PPP1R9A: variants seen among roughly 807,000 people sequenced by gnomAD.
PPP1R9A encodes neurabin-1.
PPP1R9A carries 59 observed loss-of-function variants against 141.9 expected under a neutral mutation model. The observed-to-expected ratio is 0.42, with a 90% CI of 0.34 to 0.52. The LOEUF (loss-of-function observed/expected upper bound fraction) is 0.52. Among genes scored for constraint, PPP1R9A ranks in the 20% least tolerant of loss-of-function variants. The probability of loss-of-function intolerance (pLI) is 0.10; values close to 1 mark genes in which losing one functional copy is unlikely to be tolerated. For missense variants in PPP1R9A, 1,444 were observed against 1,611.9 expected (o/e 0.90, Z 1.78); for synonymous variants, 500 against 569.7 (o/e 0.88, Z 1.74).
In PPP1R9A at chr7:95,273,913, C is replaced by G. The variant is rs755352182; in HGVS notation, c.3139C>G (p.Pro1047Ala). 4.0e-6 allele frequency: 6 copies of G among 1,502,914 alleles called. No individual in the cohort carries two copies. Among genetic ancestry groups the G allele is most frequent in the South Asian group, 1.1e-5 (1 of 87,720 alleles). 93.1% of individuals were successfully genotyped at this position (1,502,914 alleles called of 1,614,324 possible). A position where few individuals can be genotyped will look rare whatever the true frequency, so the allele number is the denominator to read the frequency against. The change falls in exon 15 of 20, where the codon CCC (proline) becomes GCC (alanine). Residue 1047 changes from proline (P) to alanine (A), a missense_variant. Physicochemically the swap from Pro to Ala is conservative, Grantham distance 27 (BLOSUM62 -1). Transcript: ENST00000433360. Reference sequence around the variant, plus strand: ...GTATATCCTAGATGATGCCAAAGATCCCAAATCACTAAGGGCATCCAGTTC... The same window carrying G: ...GTATATCCTAGATGATGCCAAAGATGCCAAATCACTAAGGGCATCCAGTTC... ...ILREKDDAKDPKSLRASSSLA... is the reference protein window; with the variant it reads ...ILREKDDAKDAKSLRASSSLA...
At chr7:94,988,026 C>T (rs1584136124) in intron 2 of PPP1R9A, among the ~76,000 whole-genome samples, 1 of 152,100 alleles carries the variant, frequency 6.6e-6, no homozygotes, top group Non-Finnish European at 1.5e-5. Context: ...ATAGTTAACA[C>T]AGTAAATACT....
intron 2 of PPP1R9A, among the ~76,000 whole-genome samples, chr7:95,070,028 A>T (rs1044113343): frequency 6.6e-6 from 1 of 152,140 alleles, no homozygotes; most frequent in African/African-American, 2.4e-5. Context: ...AAGCATTTTT[A>T]AAAAATATAC....
At chr7:94,978,574 C>A (rs1254842119) in intron 2 of PPP1R9A, among the ~76,000 whole-genome samples, 1 of 151,908 alleles carries the variant, frequency 6.6e-6, no homozygotes, top group African/African-American at 2.4e-5. Flanking sequence ...CTATCTTGAT[C>A]TTTTTTTTGT....
intron 3 of PPP1R9A, among the ~76,000 whole-genome samples, chr7:95,119,582 C>G (rs979416912): frequency 3.3e-5 from 5 of 152,046 alleles, no homozygotes; most frequent in African/African-American, 9.7e-5. Flanking sequence ...AGCCCCCAAA[C>G]AGCTGGGACT....
intron 2 of PPP1R9A, among the ~76,000 whole-genome samples, chr7:95,015,253 C>T (rs1380363558): frequency 6.6e-6 from 1 of 151,758 alleles, no homozygotes; most frequent in Non-Finnish European, 1.5e-5. Context: ...CACACATACA[C>T]ACACACATAC....
chr7:94,988,437 T>C (rs1801115422), intron 2 of PPP1R9A, among the ~76,000 whole-genome samples: 1 of 152,082 alleles, frequency 6.6e-6, no homozygotes, highest in East Asian at 1.9e-4. Context: ...TTTTTTGTTT[T>C]AGTAATGTTT....
At chr7:94,996,799 G>GTTTTTTTTTTTT (rs34164253) in intron 2 of PPP1R9A, among the ~76,000 whole-genome samples, 1 of 111,646 alleles carries the variant, frequency 9.0e-6, no homozygotes, top group African/African-American at 3.5e-5. Context: ...GATACTCTGT[G>GTTTTTTTTTTTT]TTTTTTTTTT....
intron 2 of PPP1R9A, among the ~76,000 whole-genome samples, chr7:95,005,014 A>AT (rs1204930805): frequency 1.3e-5 from 2 of 152,126 alleles, no homozygotes; most frequent in African/African-American, 4.8e-5. Flanking sequence ...AATGGAGGTA[A>AT]TTTTTCATGG....
chr7:95,229,251 G>A (rs1395247970), intron 8 of PPP1R9A, among the ~76,000 whole-genome samples: 1 of 151,998 alleles, frequency 6.6e-6, no homozygotes, highest in Non-Finnish European at 1.5e-5. Context: ...TACCAGGAAA[G>A]CCAAGAGAAT....
intron 2 of PPP1R9A, among the ~76,000 whole-genome samples, chr7:94,939,959 G>A (rs1307085946): frequency 6.6e-6 from 1 of 151,854 alleles, no homozygotes; most frequent in Admixed American, 6.6e-5. Context: ...TGCTCTACAA[G>A]TAGGAGGTTT....
intron 2 of PPP1R9A, among the ~76,000 whole-genome samples, chr7:95,065,255 C>A (rs1193510259): frequency 6.6e-6 from 1 of 152,008 alleles, no homozygotes; most frequent in Non-Finnish European, 1.5e-5. Context: ...TGCATAGAGA[C>A]ATAGTCTTGC....
chr7:95,230,384 G>T (rs1268977763), intron 8 of PPP1R9A, among the ~76,000 whole-genome samples: 1 of 152,012 alleles, frequency 6.6e-6, no homozygotes. Context: ...ACCAGAGGAA[G>T]GTGAAGTCCA....
chr7:95,007,154 G>A (rs1282903871), intron 2 of PPP1R9A, among the ~76,000 whole-genome samples: 1 of 152,180 alleles, frequency 6.6e-6, no homozygotes, highest in East Asian at 1.9e-4. Flanking sequence ...GAGCCATCGT[G>A]CCCGGCCATA....
chr7:95,113,110 CAACAAG>C (rs1440158730), intron 3 of PPP1R9A, among the ~76,000 whole-genome samples: 23 of 152,212 alleles, frequency 1.5e-4, no homozygotes, highest in African/African-American at 5.5e-4. Flanking sequence ...AGCAACTTAG[CAACAAG>C]AACAAATTTC....
At chr7:95,096,435 G>C (rs904787754) in intron 2 of PPP1R9A, among the ~76,000 whole-genome samples, 4 of 151,914 alleles carry the variant, frequency 2.6e-5, no homozygotes, top group African/African-American at 9.7e-5. Context: ...CAAATGACTG[G>C]CCCCCCTCAC....
At chr7:95,184,286 C>T (rs1024805493) in intron 5 of PPP1R9A, among the ~76,000 whole-genome samples, 1 of 152,050 alleles carries the variant, frequency 6.6e-6, no homozygotes, top group Non-Finnish European at 1.5e-5. Context: ...CCATAGTTCA[C>T]GAGGGTATTC....
At chr7:95,275,680 C>T (rs1302134934) in intron 16 of PPP1R9A, among the ~76,000 whole-genome samples, 1 of 152,146 alleles carries the variant, frequency 6.6e-6, no homozygotes, top group African/African-American at 2.4e-5. Context: ...AAATAAAATA[C>T]TATAAAATCA....
intron 2 of PPP1R9A, among the ~76,000 whole-genome samples, chr7:95,109,929 G>A (rs1820253231): frequency 6.6e-6 from 1 of 151,846 alleles, no homozygotes; most frequent in East Asian, 1.9e-4. Context: ...ATAAATAAAA[G>A]CACTAACCCT....
intron 5 of PPP1R9A, among the ~76,000 whole-genome samples, chr7:95,192,981 A>C (rs1343459194): frequency 1.3e-5 from 2 of 152,134 alleles, no homozygotes; most frequent in Non-Finnish European, 2.9e-5. Flanking sequence ...AGATTTTATC[A>C]GTTTCATCAT....
Sources: allele counts gnomAD v4.1 joint callset (sites outside exome capture counted in the v4.1 genomes callset), GRCh38; gene constraint gnomAD v4.1.1; transcripts MANE v1.5; gene names NCBI Gene and HGNC (gene_info 2026-07-23, HGNC 2026-07-21).